The following USP18 variants were observed in gnomAD, a reference collection of about 807,000 sequenced individuals.
USP18 encodes ubl carboxyl-terminal hydrolase 18.
In USP18, 11 loss-of-function variants were observed where a neutral mutation model predicts 48.7. That is an observed-to-expected ratio of 0.23 (90% confidence interval 0.14 to 0.37). The LOEUF (loss-of-function observed/expected upper bound fraction) is 0.37, where lower values mean the gene tolerates loss of function less well. Among genes scored for constraint, USP18 ranks in the 10% least tolerant of loss-of-function variants. The pLI is 1.00. For missense variants in USP18, 285 were observed against 436.4 expected (o/e 0.65, Z 3.09); for synonymous variants, 114 against 163.2 (o/e 0.70, Z 2.30).
At chr22:18,153,699 C>T (rs1929056766) in intron 1 of USP18, among the ~76,000 whole-genome samples, 1 of 152,204 alleles carries the variant, frequency 6.6e-6, no homozygotes, top group South Asian at 2.1e-4. Context: ...CCTCTTGCCT[C>T]AGCCAACCAA....
intron 10 of USP18, among the ~76,000 whole-genome samples, chr22:18,174,092 A>G (rs1474369993): frequency 1.3e-5 from 2 of 151,830 alleles, no homozygotes; most frequent in African/African-American, 4.8e-5. Flanking sequence ...TCCTGGCCGT[A>G]TTGTCCTCTC....
intron 7 of USP18, 87 bp from the exon 8 acceptor site, chr22:18,170,666 T>G: frequency 6.7e-7 from 1 of 1,498,296 alleles, no homozygotes; most frequent in African/African-American, 1.8e-5. Flanking sequence ...CCCCTCTTTT[T>G]GGGAAGAACG....
intron 1 of USP18, among the ~76,000 whole-genome samples, chr22:18,154,485 T>G (rs747095966): frequency 6.0e-4 from 92 of 152,180 alleles, no homozygotes; most frequent in South Asian, 4.1e-4. Flanking sequence ...TCTCATTTGT[T>G]GCCCAGGCTG....
rs773918564 is a variant in USP18 at position 18,167,280 on chromosome 22, A to G, written c.426A>G (p.Gln142=). 5 of 1,613,800 alleles carry G rather than the reference A, an allele frequency of 3.1e-6. No individual in the cohort carries two copies. The Admixed American group carries it at 8.3e-5, about 27-fold the overall frequency. The change falls in exon 5 of 11, where the codon CAA becomes CAG. Residue 142 remains glutamine (Q), a synonymous_variant. Transcript: ENST00000215794. ...VPLFVQHDAA[Q]LYLKLWNLIK... is the part of the protein sequence containing the mutation. ...TGTTTGTCCAACATGATGCTGCCCA[A>G]CTGTACCTCAAACTCTGGAACCTGA...
At position 18,173,131 on chromosome 22, in the gene USP18, C is replaced by G; in HGVS notation, c.892-19C>G. 2 of 1,591,258 alleles carry G rather than the reference C, an allele frequency of 1.3e-6. No homozygotes were observed. Among genetic ancestry groups the G allele is most frequent in the Non-Finnish European group, 1.7e-6 (2 of 1,169,670 alleles). ...GTTTGTGGTGGTGGGTGAACTGTCT[C>G]GTGCCTGTCTCTTTCCAGTCTGGAG... On this transcript the variant is annotated intron_variant, in intron 8 of 10. Transcript: ENST00000215794.
rs973234460 is a variant in USP18, at chr22:18,157,537, A to G, written c.-106-21A>G. ...ATTCCTCCTTCTCTAATTCTTGCCT[A>G]CCCGCATTGTATTTTCACAGAGATT... On this transcript the variant is annotated intron_variant, in intron 1 of 10. Transcript: ENST00000215794. 9 of 1,244,224 alleles carry G rather than the reference A, an allele frequency of 7.2e-6. No individual in the cohort carries two copies. The African/African-American group carries it at 1.4e-4, about 19-fold the overall frequency. The allele number at this position is 1,244,224 out of a possible 1,614,324, so 77.1% of individuals were successfully genotyped here.
chr22:18,172,240 C>G (rs1289258534), intron 8 of USP18, among the ~76,000 whole-genome samples: 1 of 152,188 alleles, frequency 6.6e-6, no homozygotes, highest in Admixed American at 6.5e-5. Flanking sequence ...TATAACCCAC[C>G]CTCTTGTTTC....
chr22:18,155,701 G>A (rs1390665568), intron 1 of USP18, among the ~76,000 whole-genome samples: 2 of 152,202 alleles, frequency 1.3e-5, no homozygotes, highest in Admixed American at 6.5e-5. Flanking sequence ...ATTTCTCGCC[G>A]GGCCTTAGCT....
chr22:18,164,511 TG>T (rs1281931313), intron 4 of USP18, among the ~76,000 whole-genome samples: 2 of 151,716 alleles, frequency 1.3e-5, no homozygotes, highest in East Asian at 2.0e-4. Flanking sequence ...GGAGAAGGCA[TG>T]GGACTTGCCC....
intron 4 of USP18, among the ~76,000 whole-genome samples, chr22:18,163,664 GAAAAAAGA>G (rs1488697062): frequency 2.0e-5 from 3 of 151,134 alleles, no homozygotes; most frequent in South Asian, 2.1e-4. Context: ...AAAAAAAAAA[GAAAAAAGA>G]AAAAAAGAAA....
intron 10 of USP18, among the ~76,000 whole-genome samples, chr22:18,174,220 T>C (rs1434293054): frequency 2.0e-5 from 3 of 150,806 alleles, no homozygotes; most frequent in Non-Finnish European, 4.4e-5. Flanking sequence ...ATGGTTTTCT[T>C]TTCTTTTCTT....
rs1314942132 is a variant in USP18, at chr22:18,169,839, G to A, written c.628-5G>A. The A allele has an allele frequency of 3.2e-6, 5 of 1,584,054 alleles. 1 individual carries two copies. In the East Asian group the frequency reaches 1.1e-4, roughly 36 times the overall value. ...GCTTTTTCCCTGTTCTCTTGGGTGG[G>A]ACAGGAGGACGCCCTGCACTGCTTC... On this transcript the variant is annotated splice_polypyrimidine_tract_variant and splice_region_variant and intron_variant, in intron 6 of 10. Transcript: ENST00000215794.
chr22:18,175,435 G>A (rs1301038191), intron 10 of USP18, among the ~76,000 whole-genome samples: 6 of 150,136 alleles, frequency 4.0e-5, no homozygotes, highest in African/African-American at 1.5e-4. Flanking sequence ...TTTCTCTCTT[G>A]TTTATTCTGA....
At chr22:18,173,964 C>G (rs1372273229) in intron 10 of USP18, 122 bp downstream of exon 10, 3 of 1,393,850 alleles carry the variant, frequency 2.2e-6, no homozygotes, top group African/African-American at 3.0e-5. Context: ...CGCCTCATCT[C>G]CAGCACTCAC....
intron 4 of USP18, among the ~76,000 whole-genome samples, chr22:18,166,417 G>T (rs1181075174): frequency 1.3e-5 from 2 of 152,052 alleles, no homozygotes; most frequent in African/African-American, 4.8e-5. Context: ...GTTTAGTAAC[G>T]CCAACATCTA....
chr22:18,150,690 G>A (rs1280097474), intron 1 of USP18, among the ~76,000 whole-genome samples: 1 of 152,240 alleles, frequency 6.6e-6, no homozygotes, highest in African/African-American at 2.4e-5. Flanking sequence ...ATTCGGCCGG[G>A]TACGGTGGCT....
rs541233286 is a variant in USP18, at chr22:18,169,440, G to C, written c.628-404G>C. Among the ~76,000 whole-genome samples the C allele has an allele frequency of 7.7e-4, 118 of 152,370 alleles. 1 individual carries two copies. The highest frequency in any genetic ancestry group is 1.4e-3 in the Non-Finnish European group (98 of 68,038). On this transcript the variant is annotated intron_variant, in intron 6 of 10. Coordinates refer to ENST00000215794, the MANE Select transcript of USP18 (RefSeq NM_017414.4). The stretch of plus-strand genomic sequence containing the variant: ...AAACATAAAAAAATTAGCTGGGCGT[G>C]GTGGCGCAGCCTGTAGTCCCAGCTA...
intron 5 of USP18, among the ~76,000 whole-genome samples, chr22:18,167,604 G>A (rs568541552): frequency 1.0e-3 from 156 of 151,580 alleles, no homozygotes; most frequent in Admixed American, 2.0e-3. Context: ...AGGCTGAGGC[G>A]GGAGAATGGC....
intron 1 of USP18, among the ~76,000 whole-genome samples, chr22:18,156,382 T>C (rs1009600250): frequency 6.6e-6 from 1 of 152,216 alleles, no homozygotes; most frequent in South Asian, 2.1e-4. Flanking sequence ...CCTTCCATGC[T>C]GTGGAAGCTT....
Sources: allele counts gnomAD v4.1 joint callset (sites outside exome capture counted in the v4.1 genomes callset), GRCh38; gene constraint gnomAD v4.1.1; transcripts MANE v1.5; gene names NCBI Gene and HGNC (gene_info 2026-07-23, HGNC 2026-07-21).